CFAP44: variants seen among roughly 807,000 people sequenced by gnomAD.
The protein encoded by CFAP44 is cilia- and flagella-associated protein 44.
A neutral mutation model predicts 216.2 loss-of-function variants in CFAP44; 134 were observed. That is an observed-to-expected ratio of 0.62 (90% confidence interval 0.54 to 0.72). The LOEUF (loss-of-function observed/expected upper bound fraction) is 0.72, where lower values mean the gene tolerates loss of function less well. Ranked by LOEUF, CFAP44 falls within the 30% of genes least tolerant of loss-of-function variation. The probability of loss-of-function intolerance (pLI) is 0.00; values close to 1 mark genes in which losing one functional copy is unlikely to be tolerated. For synonymous variants in CFAP44, 700 were observed against 727.6 expected (o/e 0.96, Z 0.61); for missense variants, 2,035 against 2,182.1 (o/e 0.93, Z 1.34).
At chr3:113,410,732 C>T (rs1934442737) in intron 6 of CFAP44, among the ~76,000 whole-genome samples, 1 of 152,292 alleles carries the variant, frequency 6.6e-6, no homozygotes, top group South Asian at 2.1e-4. Flanking sequence ...CACTGTCTTC[C>T]ACAATGGTTG....
At chr3:113,366,412 G>C in intron 18 of CFAP44, 103 bp from the exon 19 acceptor site, 1 of 1,371,446 alleles carries the variant, frequency 7.3e-7, no homozygotes, top group Non-Finnish European at 9.9e-7. Context: ...AGTTGTTATG[G>C]ACTGAATTGT....
At chr3:113,361,045 G>T in intron 21 of CFAP44, 1 of 269,828 alleles carries the variant, frequency 3.7e-6, no homozygotes, top group South Asian at 5.1e-5. Context: ...CAGGATTCCT[G>T]GCTATTACCA....
At chr3:113,428,457 T>C (rs1247341398) in intron 2 of CFAP44, among the ~76,000 whole-genome samples, 2 of 152,208 alleles carry the variant, frequency 1.3e-5, no homozygotes, top group Non-Finnish European at 2.9e-5. Flanking sequence ...AGTAGGCACA[T>C]TAAATCAAGC....
At chr3:113,358,222 GT>G (rs1174240710) in intron 22 of CFAP44, among the ~76,000 whole-genome samples, 1 of 152,006 alleles carries the variant, frequency 6.6e-6, no homozygotes, top group African/African-American at 2.4e-5. Flanking sequence ...TGCTATAAAT[GT>G]TCTCTATCTT....
chr3:113,386,422 G>T (rs756228077), intron 15 of CFAP44, among the ~76,000 whole-genome samples: 2 of 152,036 alleles, frequency 1.3e-5, no homozygotes, highest in Non-Finnish European at 2.9e-5. Flanking sequence ...TAGTCTGTAG[G>T]TCTTTTGTCT....
At chr3:113,407,485 G>A (rs1343405491) in intron 7 of CFAP44, among the ~76,000 whole-genome samples, 2 of 152,140 alleles carry the variant, frequency 1.3e-5, no homozygotes, top group Non-Finnish European at 2.9e-5. Context: ...AGTTCTATTA[G>A]ACAGTATTGT....
At chr3:113,419,477 C>G (rs765726272) in intron 5 of CFAP44, among the ~76,000 whole-genome samples, 1 of 152,126 alleles carries the variant, frequency 6.6e-6, no homozygotes, top group Non-Finnish European at 1.5e-5. Context: ...AACAAACTCT[C>G]CGAGGACATG....
rs775251170 is a variant in CFAP44 at position 113,409,278 on chromosome 3, C to T, written c.718G>A (p.Gly240Ser). The T allele has an allele frequency of 3.7e-6, 6 of 1,613,986 alleles. No individual in the cohort carries two copies. The highest frequency in any genetic ancestry group is 2.2e-5 in the South Asian group (2 of 91,088). The change falls in exon 7 of 35, where the codon GGT (glycine) becomes AGT (serine). Residue 240 changes from glycine (G) to serine (S), a missense_variant. Around this residue, in one of 3 missense-constraint regions of CFAP44, gnomAD observed 1,883 missense variants for 2,023.7 expected, o/e 0.93. Transcript: ENST00000393845. ...CTACCAACAGAGGCCAGCAAGTTAC[C>T]GCTGTAGTTAAAGTCCACATAAGCA... ...GYAYVDFNYSGNLLASVGSNP... is the reference protein window; with the variant it reads ...GYAYVDFNYSSNLLASVGSNP...
chr3:113,403,757 C>G, intron 9 of CFAP44, 95 bp downstream of exon 9: 1 of 1,375,950 alleles, frequency 7.3e-7, no homozygotes, highest in Non-Finnish European at 9.7e-7. Context: ...CTACTGATCT[C>G]CTTCACAAAA....
chr3:113,342,432 T>C (rs1950341539), intron 23 of CFAP44, among the ~76,000 whole-genome samples: 1 of 152,182 alleles, frequency 6.6e-6, no homozygotes, highest in Non-Finnish European at 1.5e-5. Flanking sequence ...AATAAAAAGA[T>C]CTAAGCCACA....
intron 28 of CFAP44, among the ~76,000 whole-genome samples, chr3:113,311,267 G>A (rs1462760033): frequency 6.6e-6 from 1 of 152,126 alleles, no homozygotes; most frequent in African/African-American, 2.4e-5. Flanking sequence ...CAATAACCAA[G>A]TGATATGGTT....
intron 6 of CFAP44, among the ~76,000 whole-genome samples, chr3:113,413,761 A>G (rs1007140083): frequency 6.6e-6 from 1 of 152,162 alleles, no homozygotes; most frequent in African/African-American, 2.4e-5. Flanking sequence ...TGTTTACTGT[A>G]GCCTTGTAGT....
At chr3:113,345,163 GAT>G (rs1282884769) in intron 22 of CFAP44, among the ~76,000 whole-genome samples, 1 of 148,710 alleles carries the variant, frequency 6.7e-6, no homozygotes, top group Non-Finnish European at 1.5e-5. Flanking sequence ...TATTATAATA[GAT>G]ATATAGTTTG....
At chr3:113,415,682 T>C (rs1168324777) in intron 6 of CFAP44, among the ~76,000 whole-genome samples, 1 of 152,172 alleles carries the variant, frequency 6.6e-6, no homozygotes, top group East Asian at 1.9e-4. Flanking sequence ...TTTTAGTGAG[T>C]TTCTTAATCC....
rs559792577 is a variant in CFAP44, at chr3:113,318,835, T to C, written c.4516+7610A>G. ...TTTCACATCCTGCCATACTGTTTCA[T>C]AAGTGAAGGAGAAATAAAATCCTTC... On this transcript the variant is annotated intron_variant, in intron 28 of 34. Transcript: ENST00000393845. Among the ~76,000 whole-genome samples, 627 of 151,954 alleles carry C rather than the reference T, an allele frequency of 4.1e-3. 7 individuals carry two copies. Among genetic ancestry groups the C allele is most frequent in the South Asian group, 0.023 (109 of 4,814 alleles).
At chr3:113,345,722 CTTG>C (rs1325308001) in intron 22 of CFAP44, among the ~76,000 whole-genome samples, 1 of 152,086 alleles carries the variant, frequency 6.6e-6, no homozygotes, top group African/African-American at 2.4e-5. Context: ...CATCAATTGC[CTTG>C]TTATTTGGGG....
intron 2 of CFAP44, chr3:113,429,044 G>A (rs941353500): frequency 1.3e-5 from 2 of 151,876 alleles, no homozygotes; most frequent in African/African-American, 4.8e-5. Context: ...TGCTATGGTT[G>A]CACATACAGA....
chr3:113,428,076 C>T (rs1474069526), intron 2 of CFAP44, among the ~76,000 whole-genome samples: 1 of 152,184 alleles, frequency 6.6e-6, no homozygotes, highest in Non-Finnish European at 1.5e-5. Context: ...GGGCAGAGTT[C>T]CTTAGGATGC....
intron 21 of CFAP44, 118 bp downstream of exon 21, chr3:113,363,027 G>T (rs1242346561): frequency 3.6e-6 from 5 of 1,386,458 alleles, no homozygotes; most frequent in Non-Finnish European, 4.7e-6. Flanking sequence ...TTGAAATTTT[G>T]AAAGAAACAA....
Sources: gnomAD v4.1 joint callset for allele counts (sites outside exome capture counted in the v4.1 genomes callset) on GRCh38, gnomAD v4.1.1 for gene constraint, gnomAD v4.1.1 regional missense constraint, MANE v1.5 for transcripts, NCBI Gene and HGNC (gene_info 2026-07-23, HGNC 2026-07-21) for gene names.